CUBN: variants seen among roughly 807,000 people sequenced by gnomAD.
CUBN encodes 460 kDa receptor.
Under a neutral mutation model 405.3 loss-of-function variants are expected in CUBN, and 282 were observed. That is an observed-to-expected ratio of 0.70 (90% CI 0.63 to 0.77). CUBN has a LOEUF of 0.77. Among genes scored for constraint, CUBN ranks in the 30% least tolerant of loss-of-function variants. CUBN has a pLI of 0.00. For synonymous variants in CUBN, 1,684 were observed against 1,617.0 expected (o/e 1.04, Z -0.99); for missense variants, 4,514 against 4,475.2 (o/e 1.01, Z -0.25).
At chr10:17,018,474 G>C (rs12248441) in intron 28 of CUBN, among the ~76,000 whole-genome samples, 2,528 of 152,188 alleles carry the variant, frequency 0.017, 66 homozygotes, top group African/African-American at 0.058. Context: ...TCATGGTCTC[G>C]CTGACTTCAG....
At chr10:17,128,840 G>GTGTTTGA (rs1179142517) in intron 2 of CUBN, among the ~76,000 whole-genome samples, 1 of 152,144 alleles carries the variant, frequency 6.6e-6, no homozygotes, top group Non-Finnish European at 1.5e-5. Context: ...TGATAGACCA[G>GTGTTTGA]TAGGGTGACT....
At position 16,869,754 on chromosome 10, in the gene CUBN, G is replaced by C. The variant is rs575513269; in HGVS notation, c.9336C>G (p.Phe3112Leu). ...CATTTGGTGGGCGCTTGGAACCGCA[G>C]AATTTGCCAAGAAGGGGATCGCTGG... The part of the protein sequence containing the change: ...ANTSDPLLGK[F>L]CGSKRPPNVK... The change falls in exon 59 of 67, where the codon TTC becomes TTG. Residue 3112 changes from phenylalanine to leucine, a missense_variant. By Grantham distance (22) the Phe-to-Leu change is conservative. Around this residue, in one of 5 missense-constraint regions of CUBN, gnomAD observed 1,186 missense variants for 1,186.9 expected, o/e 1.00. Transcript: ENST00000377833. 6.2e-7 allele frequency: 1 copy of C among 1,613,938 alleles called. No homozygotes were observed. Among genetic ancestry groups the C allele is most frequent in the East Asian group, 2.2e-5 (1 of 44,880 alleles).
Position 16,908,772 on chromosome 10 carries a change from A to T in CUBN, c.7534-1093T>A, listed in dbSNP as rs1390965535. Among the ~76,000 whole-genome samples the T allele has an allele frequency of 6.6e-5, 10 of 152,332 alleles. No individual in the cohort carries two copies. In the South Asian group the frequency reaches 2.1e-3, roughly 32 times the overall value. The stretch of plus-strand genomic sequence containing the variant: ...TTGAATGGTTGATATTCCCATTTTT[A>T]AAAGGATTTGAATGACTCAAGATTA... On this transcript the variant is annotated intron_variant, in intron 48 of 66. Coordinates refer to ENST00000377833, the MANE Select transcript of CUBN (RefSeq NM_001081.4).
At chr10:17,073,564 A>C (rs1307663040) in intron 17 of CUBN, among the ~76,000 whole-genome samples, 2 of 150,034 alleles carry the variant, frequency 1.3e-5, no homozygotes. Context: ...CTCCTGCCTC[A>C]GCCTCCCAAG....
intron 28 of CUBN, among the ~76,000 whole-genome samples, chr10:16,997,094 TTGAGATG>T (rs1833756197): frequency 6.6e-6 from 1 of 152,238 alleles, no homozygotes; most frequent in Non-Finnish European, 1.5e-5. Context: ...CTATAAGACC[TTGAGATG>T]TGCTTCATTG....
Position 16,937,829 on chromosome 10 carries a change from T to C in CUBN, c.5734-45A>G, listed in dbSNP as rs1023364739. 6 of 1,551,096 alleles carry C rather than the reference T, an allele frequency of 3.9e-6. No individual in the cohort carries two copies. In the African/African-American group the frequency reaches 8.3e-5, roughly 21 times the overall value. ...ATAGAGCATTGTATTATCTATATTT[T>C]TCTTCATAAAAAGATAAAATAAAAA... On this transcript the variant is annotated intron_variant, in intron 38 of 66. Coordinates refer to ENST00000377833, the MANE Select transcript of CUBN (RefSeq NM_001081.4).
At chr10:16,864,870 G>A (rs900289769) in intron 59 of CUBN, among the ~76,000 whole-genome samples, 2 of 144,776 alleles carry the variant, frequency 1.4e-5, no homozygotes, top group Admixed American at 7.0e-5. Context: ...AGCTGGCCTC[G>A]AACTCCCGAC....
intron 6 of CUBN, among the ~76,000 whole-genome samples, chr10:17,118,545 T>A (rs1344313019): frequency 6.6e-6 from 1 of 152,206 alleles, no homozygotes; most frequent in Non-Finnish European, 1.5e-5. Context: ...CAAGCGATCT[T>A]CCCACCTCTG....
intron 38 of CUBN, among the ~76,000 whole-genome samples, chr10:16,937,992 A>G (rs1209731800): frequency 6.6e-6 from 1 of 152,198 alleles, no homozygotes; most frequent in Non-Finnish European, 1.5e-5. Flanking sequence ...AAACATTTGC[A>G]TCTTTGTTGC....
Position 17,115,554 on chromosome 10 carries a change from T to G in CUBN, c.637A>C (p.Lys213Gln). Residue 213 changes from lysine to glutamine, a missense_variant, in exon 7 of 67, where the codon AAA becomes CAA. Around this residue, in one of 5 missense-constraint regions of CUBN, gnomAD observed 1,448 missense variants for 1,388.0 expected, o/e 1.04. Coordinates refer to ENST00000377833, the MANE Select transcript of CUBN (RefSeq NM_001081.4). ...GAACCCCCTTCACAGTCGTCATATT[T>G]GGATGCACACTGGGGTCCGTACGTC... ...PETYGPQCAS[K>Q]YDDCEGGSVA... 1.5e-5 allele frequency: 24 copies of G among 1,614,154 alleles called. No individual in the cohort carries two copies. The highest frequency in any genetic ancestry group is 1.9e-5 in the Non-Finnish European group (22 of 1,180,026).
In CUBN at chr10:17,082,089, A is replaced by G. The variant is rs78361114; in HGVS notation, c.2301+2182T>C. On this transcript the variant is annotated intron_variant, in intron 17 of 66. Coordinates refer to ENST00000377833, the MANE Select transcript of CUBN (RefSeq NM_001081.4). ...AGCCACATCGGCTGTCTCTGAACTGATAAATTCAAGGCTAGAGTTAAAACT... is the reference window on the plus strand; with the variant it reads ...AGCCACATCGGCTGTCTCTGAACTGGTAAATTCAAGGCTAGAGTTAAAACT... 9.0e-3 allele frequency among the ~76,000 whole-genome samples: 1,363 copies of G among 152,290 alleles called. 28 individuals carry two copies. The highest frequency in any genetic ancestry group is 0.031 in the African/African-American group (1,289 of 41,550).
intron 27 of CUBN, among the ~76,000 whole-genome samples, chr10:17,037,220 G>T (rs889533245): frequency 6.6e-6 from 1 of 152,142 alleles, no homozygotes. Flanking sequence ...ATGCAATCTT[G>T]TTTGACATTT....
intron 28 of CUBN, among the ~76,000 whole-genome samples, chr10:17,000,463 C>T (rs1833847378): frequency 6.6e-6 from 1 of 152,162 alleles, no homozygotes; most frequent in African/African-American, 2.4e-5. Flanking sequence ...GCTACTTGAA[C>T]CTAAAGAAAG....
At chr10:17,021,103 C>T (rs1209505808) in intron 27 of CUBN, among the ~76,000 whole-genome samples, 3 of 151,592 alleles carry the variant, frequency 2.0e-5, no homozygotes, top group Non-Finnish European at 2.9e-5. Context: ...ATTTTAATTA[C>T]TTTGACATTG....
chr10:17,060,390 G>C (rs957004090), intron 22 of CUBN, among the ~76,000 whole-genome samples: 2 of 151,868 alleles, frequency 1.3e-5, no homozygotes, highest in Non-Finnish European at 2.9e-5. Context: ...CAAAGTGCTG[G>C]GATTACAGGC....
At chr10:17,112,102 C>T (rs1836784054) in intron 8 of CUBN, among the ~76,000 whole-genome samples, 1 of 151,948 alleles carries the variant, frequency 6.6e-6, no homozygotes, top group South Asian at 2.1e-4. Flanking sequence ...TTTAGTGGTT[C>T]CCATTGTATT....
chr10:16,902,225 A>G (rs118195409), intron 51 of CUBN, among the ~76,000 whole-genome samples: 7 of 135,636 alleles, frequency 5.2e-5, no homozygotes, highest in Non-Finnish European at 7.7e-5. Context: ...TAGTATATAT[A>G]TGTATATATA....
At position 17,122,761 on chromosome 10, in the gene CUBN, A is replaced by AC. The variant is rs11409967; in HGVS notation, c.593+33dup. On this transcript the variant is annotated intron_variant, in intron 6 of 66. Transcript: ENST00000377833. ...GGATGTTTTAGGCCTTCAAAAATATACTGATATTTACCAAAAAAAAAAAAA... is the reference window on the plus strand; with the variant it reads ...GGATGTTTTAGGCCTTCAAAAATATACCTGATATTTACCAAAAAAAAAAAAA... 0.95 allele frequency: 1,179,295 copies of AC among 1,241,684 alleles called. 560,982 individuals are homozygous for AC. Among genetic ancestry groups the AC allele is most frequent in the Middle Eastern group, 0.96 (4,415 of 4,584 alleles). The allele number at this position is 1,241,684 out of a possible 1,614,324, so 76.9% of individuals were successfully genotyped here.
intron 6 of CUBN, among the ~76,000 whole-genome samples, chr10:17,118,827 A>G (rs984513634): frequency 1.3e-5 from 2 of 152,232 alleles, no homozygotes; most frequent in African/African-American, 4.8e-5. Context: ...AATTACTTAT[A>G]TACCTCCCTA....
Sources: allele counts gnomAD v4.1 joint callset (sites outside exome capture counted in the v4.1 genomes callset), GRCh38; gene constraint gnomAD v4.1.1; regional missense constraint gnomAD v4.1.1; transcripts MANE v1.5; gene names NCBI Gene and HGNC (gene_info 2026-07-23, HGNC 2026-07-21).